Variants in PRKCH observed in about 807,000 individuals in gnomAD.
PRKCH encodes the protein protein kinase C eta.
Under a neutral mutation model 82.5 loss-of-function variants are expected in PRKCH, and 28 were observed. The observed-to-expected ratio is 0.34, with a 90% CI of 0.25 to 0.47. The LOEUF (loss-of-function observed/expected upper bound fraction) is 0.47. Ranked by LOEUF, PRKCH falls within the 20% of genes least tolerant of loss-of-function variation. The pLI, the probability that PRKCH is intolerant of heterozygous loss-of-function variation, is 1.00. For missense variants in PRKCH, 705 were observed against 881.8 expected (o/e 0.80, Z 2.54); for synonymous variants, 322 against 327.4 (o/e 0.98, Z 0.18).
In PRKCH at chr14:61,204,382, C is replaced by T. The variant is rs186582425; in HGVS notation, c.-19+16714C>T. Reference sequence around the variant, plus strand: ...AAGTTTAAATAACTTTCCCAGGTCACGTAACTAATAAATGGAGAAATAAAA... The same window carrying T: ...AAGTTTAAATAACTTTCCCAGGTCATGTAACTAATAAATGGAGAAATAAAA... On this transcript the variant is annotated intron_variant, in intron 1 of 3. Transcript: ENST00000555185. Among the ~76,000 whole-genome samples, 159 of 151,970 alleles carry T rather than the reference C, an allele frequency of 1.0e-3. 2 individuals are homozygous for T. Among genetic ancestry groups the T allele is most frequent in the African/African-American group, 1.7e-3 (71 of 41,462 alleles).
chr14:61,279,929 C>A (rs2045240533), intron 1 of PRKCH: 1 of 640,032 alleles, frequency 1.6e-6, no homozygotes, highest in Non-Finnish European at 2.7e-6. Context: ...AGTCTAGCAG[C>A]CCCCCAAGAG....
intron 1 of PRKCH, among the ~76,000 whole-genome samples, chr14:61,309,263 C>T (rs1020868156): frequency 6.6e-6 from 1 of 152,068 alleles, no homozygotes; most frequent in Non-Finnish European, 1.5e-5. Context: ...ACCTAGCTGA[C>T]AGGAGTGAGA....
chr14:61,388,571 T>C lies in PRKCH; in HGVS notation c.364-2654T>C, dbSNP rs1217922187. ...TGCCTGTGCCAGCAGTAGTTTATGTTGTGAGGTCGAATGTATGTGTATGTA... is the reference window on the plus strand; with the variant it reads ...TGCCTGTGCCAGCAGTAGTTTATGTCGTGAGGTCGAATGTATGTGTATGTA... On this transcript the variant is annotated intron_variant, in intron 1 of 13. Coordinates refer to ENST00000332981, the MANE Select transcript of PRKCH (RefSeq NM_006255.5). 2.0e-5 allele frequency among the ~76,000 whole-genome samples: 3 copies of C among 152,278 alleles called. No individual in the cohort carries two copies. In the East Asian group the frequency reaches 5.8e-4, roughly 29 times the overall value.
chr14:61,381,115 A>G (rs752532482), intron 1 of PRKCH, among the ~76,000 whole-genome samples: 2 of 152,176 alleles, frequency 1.3e-5, no homozygotes, highest in African/African-American at 4.8e-5. Context: ...TTAGAATATC[A>G]GATAGAAAAG....
intron 1 of PRKCH, among the ~76,000 whole-genome samples, chr14:61,362,097 G>A (rs551157416): frequency 3.3e-5 from 5 of 152,292 alleles, no homozygotes; most frequent in African/African-American, 1.2e-4. Flanking sequence ...AACACTTCGG[G>A]AGGCTGAAGC....
chr14:61,546,175 GCTTA>G (rs2140042084), intron 12 of PRKCH, among the ~76,000 whole-genome samples: 1 of 152,314 alleles, frequency 6.6e-6, no homozygotes, highest in East Asian at 1.9e-4. Flanking sequence ...CATTGCACAG[GCTTA>G]CTTAGTGAGA....
intron 12 of PRKCH, among the ~76,000 whole-genome samples, chr14:61,538,971 A>T (rs1177193692): frequency 6.6e-6 from 1 of 152,202 alleles, no homozygotes; most frequent in Non-Finnish European, 1.5e-5. Context: ...GGGGAATCAT[A>T]CCTGGAAAAA....
chr14:61,539,070 C>A (rs899262068), intron 12 of PRKCH, among the ~76,000 whole-genome samples: 1 of 152,224 alleles, frequency 6.6e-6, no homozygotes, highest in Non-Finnish European at 1.5e-5. Context: ...TCCGCCCCAT[C>A]AGTCAGAGCT....
intron 2 of PRKCH, among the ~76,000 whole-genome samples, chr14:61,422,270 A>G (rs896139711): frequency 1.2e-4 from 18 of 152,054 alleles, no homozygotes; most frequent in Admixed American, 3.9e-4. Context: ...TTTTCTGTAG[A>G]GACAGGGTCT....
At chr14:61,313,628 AAAG>A (rs1428495208) in intron 1 of PRKCH, among the ~76,000 whole-genome samples, 2 of 152,198 alleles carry the variant, frequency 1.3e-5, no homozygotes, top group African/African-American at 4.8e-5. Flanking sequence ...TTTACAAAAA[AAAG>A]AAGGTTTAAT....
chr14:61,451,399 G>C (rs568524735), intron 6 of PRKCH, among the ~76,000 whole-genome samples: 1 of 152,158 alleles, frequency 6.6e-6, no homozygotes, highest in African/African-American at 2.4e-5. Context: ...AAATGAGAAG[G>C]TTGGGTTAAG....
chr14:61,460,158 T>C (rs1218139827), intron 9 of PRKCH, among the ~76,000 whole-genome samples: 1 of 152,234 alleles, frequency 6.6e-6, no homozygotes, highest in Non-Finnish European at 1.5e-5. Context: ...CTTTATTTTT[T>C]TAAGACATAA....
rs768437976 is a variant in PRKCH, at chr14:61,428,110, CACATAT to C, written c.428-14999_428-14994del. 1.5e-3 allele frequency among the ~76,000 whole-genome samples: 112 copies of C among 75,472 alleles called. 1 individual carries two copies. Among genetic ancestry groups the C allele is most frequent in the Non-Finnish European group, 1.2e-3 (43 of 34,946 alleles). The allele number at this position is 75,472 out of a possible 152,430, so 49.5% of individuals were successfully genotyped here. A position where few individuals can be genotyped will look rare whatever the true frequency, so the allele number is the denominator to read the frequency against. ...ACACACACACACATATATATATACA[CACATAT>C]ATATATATATATATATGTATCTCAC... On this transcript the variant is annotated intron_variant, in intron 2 of 13. Coordinates refer to ENST00000332981, the MANE Select transcript of PRKCH (RefSeq NM_006255.5).
At chr14:61,397,212 A>G (rs2140211744) in intron 2 of PRKCH, among the ~76,000 whole-genome samples, 1 of 152,256 alleles carries the variant, frequency 6.6e-6, no homozygotes, top group Non-Finnish European at 1.5e-5. Flanking sequence ...GGAATTAGCA[A>G]TCCACTGGAT....
At position 61,280,272 on chromosome 14, in the gene PRKCH, C is replaced by T; in HGVS notation, c.-19+92604C>T. 6 of 1,613,966 alleles carry T rather than the reference C, an allele frequency of 3.7e-6. No homozygotes were observed. The highest frequency in any genetic ancestry group is 5.1e-6 in the Non-Finnish European group (6 of 1,179,988). ...GCTTGTGGCCGCCGAACGCGCGCAC[C>T]GGGTAGTTGTAGGTGATGTTGACGC... On this transcript the variant is annotated intron_variant, in intron 1 of 3. Transcript: ENST00000555185. This position sits in a 1 kb window ranked among gnomAD's most constrained non-coding sequence, Gnocchi z 5.0.
chr14:61,228,245 C>CAAGT (rs1360110283), intron 1 of PRKCH, among the ~76,000 whole-genome samples: 1 of 152,148 alleles, frequency 6.6e-6, no homozygotes, highest in Non-Finnish European at 1.5e-5. Flanking sequence ...GTCATTTTTA[C>CAAGT]AAATACAAGG....
intron 1 of PRKCH, among the ~76,000 whole-genome samples, chr14:61,296,401 C>T (rs1033963235): frequency 6.6e-6 from 1 of 152,196 alleles, no homozygotes; most frequent in Non-Finnish European, 1.5e-5. Flanking sequence ...TGTACCACTT[C>T]CACACTTATG....
chr14:61,315,907 C>T (rs1229199556), intron 1 of PRKCH, among the ~76,000 whole-genome samples: 4 of 151,918 alleles, frequency 2.6e-5, no homozygotes, highest in African/African-American at 9.7e-5. Flanking sequence ...ACCACCACGC[C>T]CAGCTAATTT....
chr14:61,222,893 T>C (rs1437628190), intron 1 of PRKCH, among the ~76,000 whole-genome samples: 1 of 152,222 alleles, frequency 6.6e-6, no homozygotes, highest in African/African-American at 2.4e-5. Context: ...CCACATTTTA[T>C]TCCCAGTGGC....
Sources: allele counts gnomAD v4.1 joint callset (sites outside exome capture counted in the v4.1 genomes callset), GRCh38; gene constraint gnomAD v4.1.1; non-coding constraint Gnocchi (gnomAD v3.1); transcripts MANE v1.5; gene names NCBI Gene and HGNC (gene_info 2026-07-23, HGNC 2026-07-21).